The following KCTD16 variants were observed in gnomAD, a reference collection of about 807,000 sequenced individuals.
KCTD16 encodes the protein BTB/POZ domain-containing protein KCTD16.
KCTD16 carries 13 observed loss-of-function variants against 33.2 expected under a neutral mutation model. The ratio of observed to expected loss-of-function variants is 0.39; its 90% CI spans 0.25 to 0.62. The LOEUF is 0.62. Among genes scored for constraint, KCTD16 ranks in the 20% least tolerant of loss-of-function variants. KCTD16 has a pLI of 0.50. For synonymous variants in KCTD16, 197 were observed against 195.3 expected, an observed-to-expected ratio of 1.01 and a Z score of -0.07; for missense variants, 441 against 525.1, an observed-to-expected ratio of 0.84 and a Z score of 1.57.
chr5:144,384,704 A>G (rs186583333), intron 3 of KCTD16, among the ~76,000 whole-genome samples: 2 of 152,166 alleles, frequency 1.3e-5, no homozygotes, highest in Admixed American at 6.5e-5. Context: ...TGTTTGCACT[A>G]TTATTTCTTT....
At chr5:144,467,755 C>T (rs1754379866) in intron 3 of KCTD16, among the ~76,000 whole-genome samples, 1 of 152,090 alleles carries the variant, frequency 6.6e-6, no homozygotes, top group Non-Finnish European at 1.5e-5. Flanking sequence ...GTAGAGCACA[C>T]ATTCCTGCAG....
intron 3 of KCTD16, among the ~76,000 whole-genome samples, chr5:144,292,268 T>C (rs1371575668): frequency 1.3e-5 from 2 of 152,196 alleles, no homozygotes; most frequent in Non-Finnish European, 2.9e-5. Flanking sequence ...GAGAATGTCC[T>C]TGCTGTGAAA....
chr5:144,209,119 T>C (rs1476545687), intron 3 of KCTD16, among the ~76,000 whole-genome samples: 1 of 152,220 alleles, frequency 6.6e-6, no homozygotes, highest in African/African-American at 2.4e-5. Context: ...ATATTTACCA[T>C]GTTCTCCGAT....
intron 3 of KCTD16, among the ~76,000 whole-genome samples, chr5:144,326,021 G>T (rs868589733): frequency 6.6e-6 from 1 of 152,086 alleles, no homozygotes; most frequent in Non-Finnish European, 1.5e-5. Context: ...GATAATAATA[G>T]TGGACTCAGT....
chr5:144,257,885 A>G (rs1010706947), intron 3 of KCTD16, among the ~76,000 whole-genome samples: 1 of 152,190 alleles, frequency 6.6e-6, no homozygotes, highest in Non-Finnish European at 1.5e-5. Flanking sequence ...ATTAACTACC[A>G]GTACCACCAA....
chr5:144,289,202 A>G (rs1347574370), intron 3 of KCTD16, among the ~76,000 whole-genome samples: 1 of 152,174 alleles, frequency 6.6e-6, no homozygotes, highest in African/African-American at 2.4e-5. Context: ...AAAAATTATC[A>G]TTTATGATTT....
At chr5:144,236,765 A>T (rs1023309572) in intron 3 of KCTD16, among the ~76,000 whole-genome samples, 1 of 152,098 alleles carries the variant, frequency 6.6e-6, no homozygotes, top group Non-Finnish European at 1.5e-5. Context: ...TGGGATAAAC[A>T]TTGGTCTGAG....
In KCTD16 at chr5:144,475,078, T is replaced by C. The variant is rs1188351164; in HGVS notation, c.*964T>C. On this transcript the variant is annotated 3_prime_UTR_variant, in exon 4 of 4. Transcript: ENST00000512467. ...CCTTTTCTCCATGTTTTCAGAGTTC[T>C]TACTGCCCACAGTTTAATGGTGTGG... 1 of 152,226 alleles carries C rather than the reference T, an allele frequency of 6.6e-6. No homozygotes were observed. The highest frequency in any genetic ancestry group is 1.5e-5 in the Non-Finnish European group (1 of 68,020). The allele number at this position is 152,226 out of a possible 1,614,324, so 9.4% of individuals were successfully genotyped here. A position where few individuals can be genotyped will look rare whatever the true frequency, so the allele number is the denominator to read the frequency against.
chr5:144,342,900 G>T (rs991554025), intron 3 of KCTD16, among the ~76,000 whole-genome samples: 1 of 152,032 alleles, frequency 6.6e-6, no homozygotes, highest in African/African-American at 2.4e-5. Context: ...TGCATATATT[G>T]AACCAGCCTT....
At chr5:144,309,154 A>T (rs989426813) in intron 3 of KCTD16, among the ~76,000 whole-genome samples, 10 of 152,158 alleles carry the variant, frequency 6.6e-5, no homozygotes, top group African/African-American at 2.2e-4. Flanking sequence ...CAGTGAGAAG[A>T]GGTGAAAGGT....
In KCTD16 at chr5:144,475,329, C is replaced by T. The variant is rs931463264; in HGVS notation, c.*1215C>T. 13 of 152,334 alleles carry T rather than the reference C, an allele frequency of 8.5e-5. No homozygotes were observed. The highest frequency in any genetic ancestry group is 3.1e-4 in the African/African-American group (13 of 41,594). 9.4% of individuals were successfully genotyped at this position (152,334 alleles called of 1,614,324 possible). On this transcript the variant is annotated 3_prime_UTR_variant, in exon 4 of 4. Coordinates refer to ENST00000512467, the MANE Select transcript of KCTD16 (RefSeq NM_020768.4). The stretch of plus-strand genomic sequence containing the variant: ...TTGGGATTCGGGCTTTGGCTGTGCC[C>T]ATGCTAGGATTTAGCTGTGTCATTT...
chr5:144,339,949 C>T (rs1490451360), intron 3 of KCTD16, among the ~76,000 whole-genome samples: 2 of 152,158 alleles, frequency 1.3e-5, no homozygotes, highest in African/African-American at 2.4e-5. Context: ...CTTGTCACTG[C>T]TGCCCTTTAA....
intron 3 of KCTD16, among the ~76,000 whole-genome samples, chr5:144,406,787 A>G (rs371568815): frequency 1.3e-5 from 2 of 152,302 alleles, no homozygotes; most frequent in Admixed American, 6.5e-5. Context: ...GGAGATTCCA[A>G]CTAAGTCGGT....
intron 2 of KCTD16, among the ~76,000 whole-genome samples, chr5:144,178,421 T>C (rs13361929): frequency 0.3 from 45,365 of 151,918 alleles, 7,931 homozygotes; most frequent in African/African-American, 0.48. Flanking sequence ...TTTCTTTAAA[T>C]GAGGTTTATT....
chr5:144,403,319 A>G (rs1033881163), intron 3 of KCTD16, among the ~76,000 whole-genome samples: 2 of 152,190 alleles, frequency 1.3e-5, no homozygotes, highest in African/African-American at 2.4e-5. Flanking sequence ...TTAAAATGAG[A>G]TTATACTGAA....
chr5:144,228,557 G>T (rs1754001938), intron 3 of KCTD16, among the ~76,000 whole-genome samples: 1 of 152,102 alleles, frequency 6.6e-6, no homozygotes, highest in South Asian at 2.1e-4. Context: ...TTGCTAAAAA[G>T]TGAAATATAG....
At chr5:144,405,394 C>T (rs148399049) in intron 3 of KCTD16, among the ~76,000 whole-genome samples, 12 of 152,142 alleles carry the variant, frequency 7.9e-5, no homozygotes, top group Admixed American at 2.0e-4. Flanking sequence ...TTTCTAGGAC[C>T]CTGCAATGTT....
intron 3 of KCTD16, among the ~76,000 whole-genome samples, chr5:144,356,153 G>A (rs17101826): frequency 0.11 from 16,351 of 152,026 alleles, 2,227 homozygotes; most frequent in African/African-American, 0.32. Flanking sequence ...AAGCTACGAC[G>A]GTCTCACTCA....
At chr5:144,278,104 A>G (rs996636565) in intron 3 of KCTD16, among the ~76,000 whole-genome samples, 1 of 152,164 alleles carries the variant, frequency 6.6e-6, no homozygotes, top group Non-Finnish European at 1.5e-5. Context: ...GTCTAACACA[A>G]GGTCTCAAAA....
Sources: gnomAD v4.1 joint callset for allele counts (sites outside exome capture counted in the v4.1 genomes callset) on GRCh38, gnomAD v4.1.1 for gene constraint, MANE v1.5 for transcripts, NCBI Gene and HGNC (gene_info 2026-07-23, HGNC 2026-07-21) for gene names.